ROBO2: variants seen among roughly 807,000 people sequenced by gnomAD.
ROBO2 encodes the protein roundabout guidance receptor 2.
Under a neutral mutation model 160.8 loss-of-function variants are expected in ROBO2, and 53 were observed. The ratio of observed to expected loss-of-function variants is 0.33; its 90% CI spans 0.26 to 0.41. ROBO2 has a LOEUF of 0.41. ROBO2 is among the 10% of genes least tolerant of loss of function. The pLI, the probability that ROBO2 is intolerant of heterozygous loss-of-function variation, is 1.00. For missense variants in ROBO2, 1,577 were observed against 1,722.4 expected (o/e 0.92, Z 1.49); for synonymous variants, 664 against 611.7 (o/e 1.09, Z -1.26).
At chr3:77,366,893 A>ACCGCC (rs1553924924) in intron 2 of ROBO2, among the ~76,000 whole-genome samples, 1 of 141,330 alleles carries the variant, frequency 7.1e-6, no homozygotes, top group African/African-American at 2.6e-5. Flanking sequence ...CTCTCACAGC[A>ACCGCC]CCCCCCCGAC....
chr3:77,557,068 T>C (rs1398683534), intron 8 of ROBO2, among the ~76,000 whole-genome samples: 1 of 151,888 alleles, frequency 6.6e-6, no homozygotes, highest in South Asian at 2.1e-4. Context: ...CCTTCTTAAA[T>C]AATCATTAAA....
At position 76,440,254 on chromosome 3, in the gene ROBO2, T is replaced by A. The variant is rs189604951; in HGVS notation, c.109+502652T>A. ...TAAAAGTACTTTTTTTATTTTATTT[T>A]TTTTTTATTATTATACATTAAGTTT... On this transcript the variant is annotated intron_variant, in intron 2 of 26. Transcript: ENST00000487694. Among the ~76,000 whole-genome samples, 204 of 152,272 alleles carry A rather than the reference T, an allele frequency of 1.3e-3. 4 individuals are homozygous for A. Among genetic ancestry groups the A allele is most frequent in the Admixed American group, 9.7e-3 (148 of 15,290 alleles).
chr3:75,990,613 G>A (rs1210642347), intron 2 of ROBO2, among the ~76,000 whole-genome samples: 1 of 152,122 alleles, frequency 6.6e-6, no homozygotes, highest in Non-Finnish European at 1.5e-5. Flanking sequence ...ATGGAAATAA[G>A]TAATTTAATT....
intron 2 of ROBO2, among the ~76,000 whole-genome samples, chr3:77,332,075 A>G (rs2066026910): frequency 6.6e-6 from 1 of 152,202 alleles, no homozygotes; most frequent in East Asian, 1.9e-4. Context: ...GTCTGTACTT[A>G]AAAACTCTGA....
At chr3:76,755,456 A>G (rs1484340341) in intron 2 of ROBO2, among the ~76,000 whole-genome samples, 1 of 151,832 alleles carries the variant, frequency 6.6e-6, no homozygotes, top group Non-Finnish European at 1.5e-5. Flanking sequence ...GTCATAGATG[A>G]AGATTTTTGC....
At chr3:76,365,245 A>G (rs973203185) in intron 2 of ROBO2, among the ~76,000 whole-genome samples, 1 of 151,986 alleles carries the variant, frequency 6.6e-6, no homozygotes, top group African/African-American at 2.4e-5. Context: ...AGAAGAGGAT[A>G]CCTTATTCTT....
intron 2 of ROBO2, among the ~76,000 whole-genome samples, chr3:76,923,317 C>G (rs142414664): frequency 6.6e-6 from 1 of 152,280 alleles, no homozygotes; most frequent in East Asian, 1.9e-4. Flanking sequence ...CATAATGTTC[C>G]GCTGTGGAAA....
chr3:76,211,758 C>T (rs1703159708), intron 2 of ROBO2, among the ~76,000 whole-genome samples: 1 of 151,964 alleles, frequency 6.6e-6, no homozygotes, highest in African/African-American at 2.4e-5. Flanking sequence ...AAGATTCTGT[C>T]TTTCAATGAT....
intron 2 of ROBO2, among the ~76,000 whole-genome samples, chr3:75,979,285 T>C (rs1338137711): frequency 6.6e-6 from 1 of 151,588 alleles, no homozygotes; most frequent in Non-Finnish European, 1.5e-5. Context: ...GAGCCTTATA[T>C]TTTTAAAGTA....
intron 2 of ROBO2, among the ~76,000 whole-genome samples, chr3:76,433,243 AG>A (rs1332614652): frequency 6.6e-6 from 1 of 152,190 alleles, no homozygotes; most frequent in East Asian, 1.9e-4. Context: ...GCTATTTATA[AG>A]TTTAAAATGT....
At chr3:77,432,071 A>G (rs2078829929) in intron 2 of ROBO2, among the ~76,000 whole-genome samples, 1 of 152,190 alleles carries the variant, frequency 6.6e-6, no homozygotes, top group South Asian at 2.1e-4. Context: ...ATGAATGTGC[A>G]TACTCTATGC....
chr3:77,364,502 G>C (rs889494514), intron 2 of ROBO2, among the ~76,000 whole-genome samples: 9 of 152,106 alleles, frequency 5.9e-5, no homozygotes, highest in African/African-American at 2.2e-4. Flanking sequence ...CTGATCAACT[G>C]TAACGGAAAG....
At chr3:76,201,374 C>T (rs1702518987) in intron 2 of ROBO2, among the ~76,000 whole-genome samples, 1 of 152,146 alleles carries the variant, frequency 6.6e-6, no homozygotes, top group African/African-American at 2.4e-5. Context: ...GCATTGAACT[C>T]CATTGCATTA....
At chr3:76,025,160 ATTAATT>A (rs902077260) in intron 2 of ROBO2, among the ~76,000 whole-genome samples, 2 of 151,582 alleles carry the variant, frequency 1.3e-5, no homozygotes, top group African/African-American at 4.8e-5. Context: ...TTTGCAGAAA[ATTAATT>A]TTAAATAATG....
intron 2 of ROBO2, among the ~76,000 whole-genome samples, chr3:76,084,104 C>G (rs2068928011): frequency 6.6e-6 from 1 of 152,098 alleles, no homozygotes; most frequent in Non-Finnish European, 1.5e-5. Flanking sequence ...CACTTTTGTG[C>G]TCTTTCGTGA....
chr3:77,471,001 C>T (rs767040642), intron 2 of ROBO2, among the ~76,000 whole-genome samples: 2 of 152,126 alleles, frequency 1.3e-5, no homozygotes, highest in African/African-American at 4.8e-5. Flanking sequence ...TTATCTTTCT[C>T]GTAATGTTTA....
intron 2 of ROBO2, among the ~76,000 whole-genome samples, chr3:76,622,186 A>G (rs5019080): frequency 0.059 from 3,953 of 66,598 alleles, 956 homozygotes; most frequent in South Asian, 0.11. Context: ...TCTACTAAAA[A>G]AAAGAAAGGA....
chr3:76,386,345 C>CCCTCCCTCCCTCCCTTCCTT (rs1182103546), intron 2 of ROBO2, among the ~76,000 whole-genome samples: 2 of 124,048 alleles, frequency 1.6e-5, no homozygotes, highest in African/African-American at 3.0e-5. Context: ...CTCCCTCCCT[C>CCCTCCCTCCCTCCCTTCCTT]CCTCCCTCCC....
chr3:76,228,827 G>A (rs1385588822), intron 2 of ROBO2, among the ~76,000 whole-genome samples: 1 of 152,054 alleles, frequency 6.6e-6, no homozygotes, highest in Non-Finnish European at 1.5e-5. Flanking sequence ...CATGAAATTG[G>A]AAAATATTTG....
Sources: gnomAD v4.1 joint callset for allele counts (sites outside exome capture counted in the v4.1 genomes callset) on GRCh38, gnomAD v4.1.1 for gene constraint, MANE v1.5 for transcripts, NCBI Gene and HGNC (gene_info 2026-07-23, HGNC 2026-07-21) for gene names.